The following NPSR1 variants were observed in gnomAD, a reference collection of about 807,000 sequenced individuals.
NPSR1 encodes neuropeptide S receptor.
A neutral mutation model predicts 46.9 loss-of-function variants in NPSR1; 48 were observed. The ratio of observed to expected loss-of-function variants is 1.02; its 90% CI spans 0.81 to 1.30. NPSR1 has a LOEUF of 1.30. NPSR1 is among the 50% of genes most tolerant of loss of function. The pLI, the probability that NPSR1 is intolerant of heterozygous loss-of-function variation, is 0.00. For synonymous variants in NPSR1, 176 were observed against 168.1 expected (o/e 1.05, Z -0.36); for missense variants, 450 against 449.5 (o/e 1.00, Z -0.01).
intron 2 of NPSR1, among the ~76,000 whole-genome samples, chr7:34,688,868 G>A (rs1793073147): frequency 6.6e-6 from 1 of 152,180 alleles, no homozygotes; most frequent in East Asian, 1.9e-4. Flanking sequence ...AGAGATCTTG[G>A]TAGAGCAAAG....
intron 1 of NPSR1, among the ~76,000 whole-genome samples, chr7:34,664,453 C>G (rs74423562): frequency 0.015 from 2,268 of 152,238 alleles, 24 homozygotes; most frequent in Middle Eastern, 0.034. Context: ...ACTCTTTTCT[C>G]AAGACAACTA....
At chr7:34,699,879 T>C (rs1793731081) in intron 2 of NPSR1, among the ~76,000 whole-genome samples, 1 of 151,752 alleles carries the variant, frequency 6.6e-6, no homozygotes, top group East Asian at 1.9e-4. Context: ...AAAGGTGGGG[T>C]GGGGAGATAA....
intron 2 of NPSR1, among the ~76,000 whole-genome samples, chr7:34,710,208 C>A (rs929580535): frequency 3.3e-5 from 5 of 152,144 alleles, no homozygotes; most frequent in African/African-American, 1.2e-4. Context: ...GAAAGGCCAC[C>A]TTCTGACCAA....
At chr7:34,832,435 A>G (rs955003650) in intron 5 of NPSR1, among the ~76,000 whole-genome samples, 4 of 152,110 alleles carry the variant, frequency 2.6e-5, no homozygotes, top group Admixed American at 2.0e-4. Flanking sequence ...CAGGTGGCTG[A>G]GGTGGGAGGT....
chr7:34,726,795 A>G (rs1338345237), intron 2 of NPSR1, among the ~76,000 whole-genome samples: 1 of 149,580 alleles, frequency 6.7e-6, no homozygotes, highest in East Asian at 2.0e-4. Context: ...GACATTCTGG[A>G]AAAAAACAAA....
intron 2 of NPSR1, among the ~76,000 whole-genome samples, chr7:34,732,907 G>A (rs1251381057): frequency 6.6e-6 from 1 of 151,940 alleles, no homozygotes; most frequent in Non-Finnish European, 1.5e-5. Context: ...GGTAGTTCTT[G>A]GACAGAAAAG....
chr7:34,811,459 G>A (rs760295702), intron 3 of NPSR1, among the ~76,000 whole-genome samples: 4 of 152,068 alleles, frequency 2.6e-5, no homozygotes, highest in Non-Finnish European at 4.4e-5. Context: ...GTTTATATGG[G>A]TACAGGATAG....
intron 1 of NPSR1, among the ~76,000 whole-genome samples, chr7:34,682,627 T>A (rs1792703920): frequency 1.3e-5 from 2 of 152,182 alleles, no homozygotes; most frequent in South Asian, 4.1e-4. Context: ...GAATGGGAAG[T>A]GTCAGTCTAC....
chr7:34,856,553 G>A (rs1051352160), intron 8 of NPSR1, among the ~76,000 whole-genome samples: 2 of 151,630 alleles, frequency 1.3e-5, no homozygotes, highest in Non-Finnish European at 2.9e-5. Context: ...CTTCTTAGGG[G>A]AAAGAGAGAT....
At chr7:34,843,700 T>C (rs888251048) in intron 6 of NPSR1, among the ~76,000 whole-genome samples, 3 of 152,192 alleles carry the variant, frequency 2.0e-5, no homozygotes, top group Non-Finnish European at 4.4e-5. Flanking sequence ...GGAGGTGGGA[T>C]TGAATGAATA....
At chr7:34,848,748 C>T in intron 8 of NPSR1, 85 bp downstream of exon 8, 1 of 1,224,756 alleles carries the variant, frequency 8.2e-7, no homozygotes, top group Non-Finnish European at 1.2e-6. Flanking sequence ...CATGTCCAAA[C>T]TCTCCAGCAG....
intron 8 of NPSR1, among the ~76,000 whole-genome samples, chr7:34,877,176 C>T (rs1791596323): frequency 6.6e-6 from 1 of 152,108 alleles, no homozygotes; most frequent in African/African-American, 2.4e-5. Context: ...AGTGTAGCCA[C>T]TGACCACTGA....
intron 3 of NPSR1, among the ~76,000 whole-genome samples, chr7:34,797,173 T>G (rs1233196153): frequency 6.6e-6 from 1 of 152,164 alleles, no homozygotes; most frequent in Non-Finnish European, 1.5e-5. Context: ...CATTAGTGGT[T>G]GCCAGGGCTT....
chr7:34,664,620 A>ATTTTT (rs201440598), intron 1 of NPSR1, among the ~76,000 whole-genome samples: 23,947 of 149,194 alleles, frequency 0.16, 2,574 homozygotes, highest in African/African-American at 0.32. Context: ...TTTTTTTAAA[A>ATTTTT]AAAAAAAATG....
At chr7:34,689,620 A>AAG (rs1762198475) in intron 2 of NPSR1, among the ~76,000 whole-genome samples, 5 of 126,362 alleles carry the variant, frequency 4.0e-5, no homozygotes, top group African/African-American at 1.7e-4. Flanking sequence ...AAAAAAAAAA[A>AAG]AAAAAAAAAA....
chr7:34,710,371 A>G (rs1456320230), intron 2 of NPSR1, among the ~76,000 whole-genome samples: 1 of 152,238 alleles, frequency 6.6e-6, no homozygotes, highest in African/African-American at 2.4e-5. Context: ...TTTTCTGTGA[A>G]TTAACTGTTT....
chr7:34,698,744 C>T (rs1173514641), intron 2 of NPSR1, among the ~76,000 whole-genome samples: 1 of 152,146 alleles, frequency 6.6e-6, no homozygotes, highest in African/African-American at 2.4e-5. Flanking sequence ...GGGAGGTTAA[C>T]ATTTACAATG....
At chr7:34,792,734 T>TATTTATATATATATG (rs58315247) in intron 3 of NPSR1, among the ~76,000 whole-genome samples, 10 of 123,278 alleles carry the variant, frequency 8.1e-5, no homozygotes, top group South Asian at 5.0e-4. Context: ...TATATATATA[T>TATTTATATATATATG]TAGCCAGGCA....
At chr7:34,819,985 G>T (rs894294130) in intron 4 of NPSR1, among the ~76,000 whole-genome samples, 1 of 152,156 alleles carries the variant, frequency 6.6e-6, no homozygotes, top group Non-Finnish European at 1.5e-5. Flanking sequence ...ACAAGTTGAT[G>T]GGTGCAGCAA....
Sources: allele counts gnomAD v4.1 joint callset (sites outside exome capture counted in the v4.1 genomes callset), GRCh38; gene constraint gnomAD v4.1.1; transcripts MANE v1.5; gene names NCBI Gene and HGNC (gene_info 2026-07-23, HGNC 2026-07-21).